Variants in BFSP1 observed in about 807,000 individuals in gnomAD.
BFSP1 encodes filensin.
A neutral mutation model predicts 43.9 loss-of-function variants in BFSP1; 38 were observed. That is an observed-to-expected ratio of 0.87 (90% CI 0.67 to 1.14). The LOEUF is 1.14. Among genes scored for constraint, BFSP1 ranks in the 50% most tolerant of loss-of-function variants. BFSP1 has a pLI of 0.00. For missense variants in BFSP1, 850 were observed against 875.1 expected (o/e 0.97, Z 0.36); for synonymous variants, 352 against 354.8 (o/e 0.99, Z 0.09).
intron 1 of BFSP1, among the ~76,000 whole-genome samples, chr20:17,552,550 C>CTGAG (rs1486733987): frequency 6.6e-6 from 1 of 152,088 alleles, no homozygotes; most frequent in Non-Finnish European, 1.5e-5. Flanking sequence ...CATGGCTGTG[C>CTGAG]TGAGAATAGC....
At chr20:17,563,387 C>T (rs959673204), upstream of BFSP1, among the ~76,000 whole-genome samples, 1 of 55,182 alleles carries the variant, frequency 1.8e-5, no homozygotes, top group Non-Finnish European at 4.0e-5. Flanking sequence ...CCTTTCCTTC[C>T]TCCCTCCCTC....
intron 6 of BFSP1, among the ~76,000 whole-genome samples, chr20:17,497,558 A>ATATG (rs1555800604): frequency 5.3e-5 from 2 of 37,778 alleles, no homozygotes; most frequent in South Asian, 1.2e-3. Context: ...ATATATGTAT[A>ATATG]TGTGTGTGTA....
At chr20:17,500,491 C>T (rs1441389820) in intron 5 of BFSP1, among the ~76,000 whole-genome samples, 16 of 152,246 alleles carry the variant, frequency 1.1e-4, no homozygotes, top group Admixed American at 2.0e-4. Flanking sequence ...GTGAGGACGC[C>T]GGCGTAAACA....
intron 1 of BFSP1, among the ~76,000 whole-genome samples, chr20:17,556,685 G>C (rs1378213954): frequency 6.6e-6 from 1 of 151,746 alleles, no homozygotes; most frequent in African/African-American, 2.4e-5. Flanking sequence ...AATTGCAGGG[G>C]AGTGAAGGTG....
At chr20:17,497,634 A>G (rs950093482) in intron 6 of BFSP1, among the ~76,000 whole-genome samples, 19 of 143,622 alleles carry the variant, frequency 1.3e-4, no homozygotes, top group African/African-American at 4.7e-4. Context: ...ACACACATAT[A>G]TACATATATA....
intron 1 of BFSP1, among the ~76,000 whole-genome samples, chr20:17,544,482 C>T (rs901122312): frequency 1.3e-5 from 2 of 152,170 alleles, no homozygotes; most frequent in Non-Finnish European, 2.9e-5. Flanking sequence ...ATCAAATTAG[C>T]TGAAGTACCT....
chr20:17,498,698 A>G, intron 6 of BFSP1, 122 bp downstream of exon 6: 1 of 1,160,418 alleles, frequency 8.6e-7, no homozygotes, highest in South Asian at 1.5e-5. Context: ...GGGGTCAGGA[A>G]TTGTTCTGTT....
intron 1 of BFSP1, among the ~76,000 whole-genome samples, chr20:17,547,046 A>G (rs866084284): frequency 2.0e-5 from 3 of 151,242 alleles, no homozygotes; most frequent in Non-Finnish European, 3.0e-5. Context: ...AAAAAAAAAA[A>G]AGATTTGGGT....
chr20:17,501,111 T>A (rs550186966), intron 5 of BFSP1, among the ~76,000 whole-genome samples: 1 of 152,328 alleles, frequency 6.6e-6, no homozygotes, highest in South Asian at 2.1e-4. Context: ...TATATTCAAC[T>A]TCATGTATGT....
intron 2 of BFSP1, among the ~76,000 whole-genome samples, chr20:17,522,009 C>T (rs1279851834): frequency 6.6e-6 from 1 of 152,146 alleles, no homozygotes; most frequent in Non-Finnish European, 1.5e-5. Context: ...ATGCATGTTC[C>T]CAGAGCCCGA....
chr20:17,534,968 C>T (rs1217619005), upstream of BFSP1, among the ~76,000 whole-genome samples: 1 of 151,786 alleles, frequency 6.6e-6, no homozygotes, highest in South Asian at 2.1e-4. Context: ...TTGCAGTGAG[C>T]CAATATCACG....
At chr20:17,504,077 T>C (rs2269042) in intron 5 of BFSP1, among the ~76,000 whole-genome samples, 43,086 of 151,884 alleles carry the variant, frequency 0.28, 6,472 homozygotes, top group African/African-American at 0.37. Context: ...TGCATTTGTG[T>C]TTGTTTGAAG....
chr20:17,519,810 C>T (rs936485221), intron 2 of BFSP1, among the ~76,000 whole-genome samples: 2 of 152,214 alleles, frequency 1.3e-5, no homozygotes, highest in African/African-American at 4.8e-5. Flanking sequence ...ACCCCAAAAC[C>T]CCCAAAGGTG....
At chr20:17,560,689 GCACTGCCCTGA>G (rs2035059340), upstream of BFSP1, 1 of 152,220 alleles carries the variant, frequency 6.6e-6, no homozygotes, top group South Asian at 2.1e-4. Flanking sequence ...CAGGGCTTCA[GCACTGCCCTGA>G]CATTACCTGG....
At chr20:17,553,726 A>G (rs2034931821) in intron 1 of BFSP1, among the ~76,000 whole-genome samples, 1 of 149,862 alleles carries the variant, frequency 6.7e-6, no homozygotes, top group Non-Finnish European at 1.5e-5. Flanking sequence ...AGCTCATCTT[A>G]TACCAGTTAG....
Position 17,531,318 on chromosome 20 carries a change from G to C in BFSP1, c.12C>G (p.Arg4=). 1 of 1,462,600 alleles carries C rather than the reference G, an allele frequency of 6.8e-7. No homozygotes were observed. The highest frequency in any genetic ancestry group is 9.0e-7 in the Non-Finnish European group (1 of 1,113,946). The allele number at this position is 1,462,600 out of a possible 1,614,324, so 90.6% of individuals were successfully genotyped here. Reference sequence around the variant, plus strand: ...CCTTGCGGGTCTGGAAGACGTAGCTGCGCCGGTACATGGCTGCTCTGGCGC... The same window carrying C: ...CCTTGCGGGTCTGGAAGACGTAGCTCCGCCGGTACATGGCTGCTCTGGCGC... The part of the protein sequence containing the change: MYR[R]SYVFQTRKEQ... Residue 4 remains arginine (R), a synonymous_variant, in exon 1 of 8, where the codon CGC becomes CGG. Coordinates refer to ENST00000377873, the MANE Select transcript of BFSP1 (RefSeq NM_001195.5).
In BFSP1 at chr20:17,531,062, G is replaced by T; in HGVS notation, c.268C>A (p.Arg90Ser). ...CGCTGGCGGTTGCTCTCGACTTGGC[G>T]GGCGAGGGCGTCCTCGGGCCCGGCC... The part of the protein sequence containing the change: ...ELAGPEDALA[R>S]QVESNRQRVR... The change falls in exon 1 of 8, where the codon CGC (arginine) becomes AGC (serine). Residue 90 changes from arginine to serine, a missense_variant. Transcript: ENST00000377873. The T allele has an allele frequency of 7.1e-7, 1 of 1,400,728 alleles. No homozygotes were observed. The highest frequency in any genetic ancestry group is 9.3e-7 in the Non-Finnish European group (1 of 1,079,140). The allele number at this position is 1,400,728 out of a possible 1,614,324, so 86.8% of individuals were successfully genotyped here. A position where few individuals can be genotyped will look rare whatever the true frequency, so the allele number is the denominator to read the frequency against.
In BFSP1 at chr20:17,494,064, C is replaced by G; in HGVS notation, c.*10G>C. The stretch of plus-strand genomic sequence containing the variant: ...CCCAAATACATTTTATCCCATCAAG[C>G]CTGGGCATTTTAAGAGCTCTTCTCT... On this transcript the variant is annotated 3_prime_UTR_variant, in exon 8 of 8. Coordinates refer to ENST00000377873, the MANE Select transcript of BFSP1 (RefSeq NM_001195.5). 6.2e-7 allele frequency: 1 copy of G among 1,603,632 alleles called. No homozygotes were observed. The highest frequency in any genetic ancestry group is 8.5e-7 in the Non-Finnish European group (1 of 1,173,702).
At chr20:17,564,516 G>T (rs940584044) in intron 1 of BFSP1, among the ~76,000 whole-genome samples, 3 of 152,034 alleles carry the variant, frequency 2.0e-5, no homozygotes, top group African/African-American at 7.2e-5. Context: ...TATTTTGTAA[G>T]TCTTTGTTAC....
Sources: gnomAD v4.1 joint callset for allele counts (sites outside exome capture counted in the v4.1 genomes callset) on GRCh38, gnomAD v4.1.1 for gene constraint, MANE v1.5 for transcripts, NCBI Gene and HGNC (gene_info 2026-07-23, HGNC 2026-07-21) for gene names.